The following DIS3L variants were observed in gnomAD, a reference collection of about 807,000 sequenced individuals.
The protein encoded by DIS3L is DIS3-like exonuclease 1.
In DIS3L, 100 loss-of-function variants were observed where a neutral mutation model predicts 120.3. The observed-to-expected ratio is 0.83, with a 90% CI of 0.71 to 0.98. DIS3L has a LOEUF of 0.98. DIS3L is among the 50% of genes least tolerant of loss of function. DIS3L has a pLI of 0.00. For synonymous variants in DIS3L, 426 were observed against 470.6 expected (o/e 0.91, Z 1.23); for missense variants, 1,196 against 1,314.2 (o/e 0.91, Z 1.39).
At chr15:66,327,553 C>T (rs769274956) in intron 12 of DIS3L, among the ~76,000 whole-genome samples, 3 of 151,608 alleles carry the variant, frequency 2.0e-5, no homozygotes, top group Non-Finnish European at 2.9e-5. Flanking sequence ...GTCAGGAGAT[C>T]GAGACCATTC....
rs2092900667 is a variant in DIS3L at position 66,322,895 on chromosome 15, TG to T, written c.1537del (p.Ala513HisfsTer19). ...CACATCGCAGATGTAACACACTTTGTGGCACCAAATTCTTACATTGATATTG... is the reference window on the plus strand; with the variant it reads ...CACATCGCAGATGTAACACACTTTGTGCACCAAATTCTTACATTGATATTG... ...GVHIADVTHF[V>X]APNSYIDIEA... On this transcript the variant is annotated frameshift_variant, in exon 10 of 17. Coordinates refer to ENST00000319212, the MANE Select transcript of DIS3L (RefSeq NM_001143688.3). LOFTEE classifies it high-confidence loss of function. 3 of 1,614,076 alleles carry T rather than the reference TG, an allele frequency of 1.9e-6. No homozygotes were observed. The highest frequency in any genetic ancestry group is 8.5e-7 in the Non-Finnish European group (1 of 1,180,028).
Position 66,295,117 on chromosome 15 carries a change from CT to C in DIS3L, c.270del (p.Val91CysfsTer17). On this transcript the variant is annotated frameshift_variant, in exon 2 of 17. Coordinates refer to ENST00000319212, the MANE Select transcript of DIS3L (RefSeq NM_001143688.3). LOFTEE classifies it high-confidence loss of function. ...ATTTTCATGCAGACAGCTTGTCAAG[CT>C]GTGCAGCATCAAAGAGGCAGGAGGT... Reference protein sequence around the residue: ...GIIFMQTACQAVQHQRGRRQY... With the variant: ...GIIFMQTACQXVQHQRGRRQY... The C allele has an allele frequency of 6.2e-7, 1 of 1,614,012 alleles. No homozygotes were observed. The highest frequency in any genetic ancestry group is 8.5e-7 in the Non-Finnish European group (1 of 1,180,000).
intron 6 of DIS3L, among the ~76,000 whole-genome samples, chr15:66,314,703 G>C (rs1380698509): frequency 6.6e-6 from 1 of 152,136 alleles, no homozygotes; most frequent in Non-Finnish European, 1.5e-5. Flanking sequence ...GGCTGTGTAG[G>C]ATCCTAAAGG....
chr15:66,306,369 A>T (rs2092702656), intron 2 of DIS3L, among the ~76,000 whole-genome samples: 1 of 152,224 alleles, frequency 6.6e-6, no homozygotes, highest in African/African-American at 2.4e-5. Context: ...TATTTACCTT[A>T]CATGTTCTTG....
In DIS3L at chr15:66,293,720, G is replaced by T; in HGVS notation, c.124G>T (p.Ala42Ser). 1 of 1,309,850 alleles carries T rather than the reference G, an allele frequency of 7.6e-7. No individual in the cohort carries two copies. The highest frequency in any genetic ancestry group is 9.8e-7 in the Non-Finnish European group (1 of 1,024,262). 81.1% of individuals were successfully genotyped at this position (1,309,850 alleles called of 1,614,324 possible). Residue 42 changes from alanine to serine, a missense_variant, in exon 1 of 17, where the codon GCC becomes TCC. Physicochemically the swap from Ala to Ser is moderately conservative, Grantham distance 99. Transcript: ENST00000319212. Reference protein sequence around the residue: ...PCHSPLCPQPAACSHDGKLLS... With the variant: ...PCHSPLCPQPSACSHDGKLLS... Reference sequence around the variant, plus strand: ...CCACAGCCCGCTCTGCCCGCAGCCCGCCGCCTGCAGCCACGGTCAGGGCCG... The same window carrying T: ...CCACAGCCCGCTCTGCCCGCAGCCCTCCGCCTGCAGCCACGGTCAGGGCCG...
intron 2 of DIS3L, among the ~76,000 whole-genome samples, chr15:66,303,461 C>A (rs2092668918): frequency 6.6e-6 from 1 of 152,198 alleles, no homozygotes; most frequent in African/African-American, 2.4e-5. Flanking sequence ...CAGCACCCCT[C>A]ACCTCCCCCA....
intron 1 of DIS3L, chr15:66,293,968 A>G (rs371385979): frequency 1.4e-5 from 14 of 992,630 alleles, no homozygotes; most frequent in African/African-American, 7.0e-5. Context: ...GCCCTGTCCA[A>G]TGGGAGGGCC....
At chr15:66,294,192 C>T (rs1334578481) in intron 1 of DIS3L, 2 of 985,522 alleles carry the variant, frequency 2.0e-6, no homozygotes, top group African/African-American at 3.5e-5. Context: ...GACCTGCCCG[C>T]ACTGTTGCCC....
chr15:66,299,822 A>G (rs2092628289), intron 2 of DIS3L, among the ~76,000 whole-genome samples: 1 of 152,186 alleles, frequency 6.6e-6, no homozygotes, highest in Non-Finnish European at 1.5e-5. Flanking sequence ...TTGACAGGCC[A>G]AGTTGGGCAG....
chr15:66,318,552 G>T lies in DIS3L; in HGVS notation c.1098G>T (p.Leu366=). The T allele has an allele frequency of 6.2e-7, 1 of 1,613,932 alleles. No individual in the cohort carries two copies. Among genetic ancestry groups the T allele is most frequent in the Non-Finnish European group, 8.5e-7 (1 of 1,179,996 alleles). ...AGGGCAAAAATGCTCAGAAAATCCT[G>T]GTTACACCTTGGGATTACAGAATTC... The part of the protein sequence containing the change: ...QSQGKNAQKI[L]VTPWDYRIPK... The change falls in exon 8 of 17, where the codon CTG becomes CTT. Residue 366 remains leucine (L), a synonymous_variant. Coordinates refer to ENST00000319212, the MANE Select transcript of DIS3L (RefSeq NM_001143688.3).
At chr15:66,294,020 T>C (rs940815648) in intron 1 of DIS3L, 159 of 988,264 alleles carry the variant, frequency 1.6e-4, no homozygotes, top group Non-Finnish European at 1.9e-4. Flanking sequence ...GTGGTTTGGC[T>C]CCTCAGAGGG....
intron 2 of DIS3L, among the ~76,000 whole-genome samples, chr15:66,306,026 G>A (rs952474737): frequency 6.6e-6 from 1 of 152,102 alleles, no homozygotes. Context: ...GTCTCACTGT[G>A]TAACCTAGGC....
chr15:66,324,426 G>A (rs2092915999), intron 11 of DIS3L, among the ~76,000 whole-genome samples: 1 of 152,008 alleles, frequency 6.6e-6, no homozygotes, highest in Admixed American at 6.6e-5. Flanking sequence ...TTCCGCCTTG[G>A]CCACCCAAAA....
chr15:66,326,480 C>A (rs1400600671), intron 12 of DIS3L, 116 bp downstream of exon 12: 5 of 1,138,896 alleles, frequency 4.4e-6, no homozygotes, highest in Non-Finnish European at 6.1e-6. Context: ...AAAACAGATT[C>A]TTGGCTCTCC....
intron 8 of DIS3L, among the ~76,000 whole-genome samples, chr15:66,320,361 C>T (rs1381451768): frequency 6.6e-6 from 1 of 151,680 alleles, no homozygotes; most frequent in African/African-American, 2.4e-5. Context: ...TGCCTCCCTT[C>T]AAAGCATTGG....
At chr15:66,314,578 C>T (rs2092798239) in intron 6 of DIS3L, among the ~76,000 whole-genome samples, 1 of 152,154 alleles carries the variant, frequency 6.6e-6, no homozygotes, top group Non-Finnish European at 1.5e-5. Context: ...GTCAAAGGAG[C>T]ATGGCTGGGT....
intron 7 of DIS3L, among the ~76,000 whole-genome samples, chr15:66,318,136 G>C (rs776656715): frequency 6.6e-5 from 10 of 152,080 alleles, no homozygotes; most frequent in Non-Finnish European, 1.5e-4. Flanking sequence ...ACCATGCCCA[G>C]CTAATTTTTG....
rs1028862168 is a variant in DIS3L at position 66,332,871 on chromosome 15, T to A, written c.2817T>A (p.Asp939Glu). 2 of 1,613,596 alleles carry A rather than the reference T, an allele frequency of 1.2e-6. No individual in the cohort carries two copies. Among genetic ancestry groups the A allele is most frequent in the Non-Finnish European group, 1.7e-6 (2 of 1,179,822 alleles). ...FQNKITSTTT[D>E]GESVTFHLFD... ...ACAAAATTACCTCTACTACAACAGA[T>A]GGGGAATCTGTTACGTTCCATTTGT... Residue 939 changes from aspartate (D) to glutamate (E), a missense_variant, in exon 16 of 17, where the codon GAT becomes GAA. Physicochemically the swap from Asp to Glu is conservative, Grantham distance 45. Coordinates refer to ENST00000319212, the MANE Select transcript of DIS3L (RefSeq NM_001143688.3).
chr15:66,326,659 A>T, intron 12 of DIS3L: 1 of 253,038 alleles, frequency 4.0e-6, no homozygotes, highest in Non-Finnish European at 7.7e-6. Flanking sequence ...GGCTCACTGC[A>T]ACCACCACCT....
Sources: allele counts gnomAD v4.1 joint callset (sites outside exome capture counted in the v4.1 genomes callset), GRCh38; gene constraint gnomAD v4.1.1; transcripts MANE v1.5; gene names NCBI Gene and HGNC (gene_info 2026-07-23, HGNC 2026-07-21).